Variants in ANKRD24 observed in about 807,000 individuals in gnomAD.
ANKRD24 encodes ankyrin repeat domain-containing protein 24.
Under a neutral mutation model 127.8 loss-of-function variants are expected in ANKRD24, and 109 were observed. That is an observed-to-expected ratio of 0.85 (90% CI 0.73 to 1.00). ANKRD24 has a LOEUF of 1.00. Ranked by LOEUF, ANKRD24 falls within the 50% of genes least tolerant of loss-of-function variation. ANKRD24 has a pLI of 0.00. For missense variants in ANKRD24, 1,648 were observed against 1,570.2 expected (o/e 1.05, Z -0.84); for synonymous variants, 743 against 671.1 (o/e 1.11, Z -1.66).
At chr19:4,184,423 G>A (rs1361039621) in intron 1 of ANKRD24, among the ~76,000 whole-genome samples, 1 of 152,184 alleles carries the variant, frequency 6.6e-6, no homozygotes, top group Non-Finnish European at 1.5e-5. Context: ...CCAGGCTGCG[G>A]AGCTACCCAG....
intron 2 of ANKRD24, 68 bp downstream of exon 2, chr19:4,186,529 C>A: frequency 6.6e-7 from 1 of 1,526,108 alleles, no homozygotes; most frequent in South Asian, 1.2e-5. Context: ...TGGGGCTTGG[C>A]TGAAGATCCA....
intron 13 of ANKRD24, among the ~76,000 whole-genome samples, chr19:4,211,013 A>C (rs1452020733): frequency 1.3e-5 from 2 of 151,666 alleles, no homozygotes; most frequent in African/African-American, 2.4e-5. Context: ...TTGTATTTTT[A>C]GTAGAGACGG....
intron 11 of ANKRD24, 143 bp downstream of exon 11, chr19:4,208,944 C>A: frequency 1.1e-6 from 1 of 873,370 alleles, no homozygotes; most frequent in Non-Finnish European, 1.8e-6. Flanking sequence ...GGTATGCTGC[C>A]ACCAAGTGGC....
rs75794183 is a variant in ANKRD24, at chr19:4,182,689, G to A, written c.-88G>A. 2.8e-6 allele frequency: 4 copies of A among 1,415,208 alleles called. No individual in the cohort carries two copies. The highest frequency in any genetic ancestry group is 3.1e-5 in the South Asian group (2 of 64,610). The allele number at this position is 1,415,208 out of a possible 1,614,324, so 87.7% of individuals were successfully genotyped here. On this transcript the variant is annotated 5_prime_UTR_variant, in exon 1 of 22. Coordinates refer to ENST00000318934, the MANE Select transcript of ANKRD24 (RefSeq NM_001393985.1). ...GGCGCATGCGCCTCTTGCTGACGCCGCAGGCGACATGTTATCTGCTGTCAG... is the reference window on the plus strand; with the variant it reads ...GGCGCATGCGCCTCTTGCTGACGCCACAGGCGACATGTTATCTGCTGTCAG...
chr19:4,190,666 G>T (rs569596099), intron 2 of ANKRD24, among the ~76,000 whole-genome samples: 2 of 152,132 alleles, frequency 1.3e-5, no homozygotes, highest in East Asian at 3.9e-4. Flanking sequence ...CCAGGAGGCA[G>T]AAGTTGCAGT....
chr19:4,220,846 C>T (rs527721214), intron 19 of ANKRD24, among the ~76,000 whole-genome samples: 6 of 151,932 alleles, frequency 3.9e-5, no homozygotes, highest in South Asian at 2.1e-4. Context: ...TGAGTCACCG[C>T]GACCGGCCTC....
At chr19:4,215,929 C>T (rs376663974) in intron 15 of ANKRD24, 49 bp from the exon 16 acceptor site, 107 of 1,476,356 alleles carry the variant, frequency 7.2e-5, no homozygotes, top group Non-Finnish European at 9.0e-5. Context: ...TGGGGACACA[C>T]GGGGGCTGAG....
At position 4,193,864 on chromosome 19, in the gene ANKRD24, G is replaced by GAAGGAAGGAAGGAAGT. The variant is rs1568315698; in HGVS notation, c.37-5804_37-5803insTAAGGAAGGAAGGAAG. ...GGGAGGGAGGAAGGAAGGAAGGAAG[G>GAAGGAAGGAAGGAAGT]AAGGAAGGAAGGAAGGAAGGAAGGA... On this transcript the variant is annotated intron_variant, in intron 2 of 21. Transcript: ENST00000318934. Among the ~76,000 whole-genome samples, 678 of 133,178 alleles carry GAAGGAAGGAAGGAAGT rather than the reference G, an allele frequency of 5.1e-3. 43 individuals are homozygous for GAAGGAAGGAAGGAAGT. The highest frequency in any genetic ancestry group is 0.019 in the African/African-American group (646 of 34,014). The allele number at this position is 133,178 out of a possible 152,430, so 87.4% of individuals were successfully genotyped here.
Position 4,195,682 on chromosome 19 carries a change from G to A in ANKRD24, c.37-4001G>A, listed in dbSNP as rs934323481. On this transcript the variant is annotated intron_variant, in intron 2 of 21. Transcript: ENST00000318934. The surrounding 1 kb of genome is among the most constrained non-coding windows in gnomAD (Gnocchi z 4.2). ...AGAGGCCAAGGCAGGTGGATCACGA[G>A]GTCAGAGTTCAAGACCAGCCTGGCC... is the stretch of plus-strand genomic sequence containing the variant. Among the ~76,000 whole-genome samples, 4 of 152,094 alleles carry A rather than the reference G, an allele frequency of 2.6e-5. No homozygotes were observed. Among genetic ancestry groups the A allele is most frequent in the African/African-American group, 9.7e-5 (4 of 41,440 alleles).
Position 4,207,928 on chromosome 19 carries a change from C to G in ANKRD24, c.792C>G (p.His264Gln), listed in dbSNP as rs930768643. ...TGGCGGGGGACAAACTCATCCTGCA[C>G]CTTCTGCAAGAGGCGGCCCAGCGCC... The part of the protein sequence containing the change: ...GALAGDKLIL[H>Q]LLQEAAQRPS... Residue 264 changes from histidine (H) to glutamine (Q), a missense_variant, in exon 10 of 22, where the codon CAC (histidine) becomes CAG (glutamine). His to Gln is a conservative substitution (Grantham distance 24). Transcript: ENST00000318934. The G allele has an allele frequency of 6.5e-7, 1 of 1,545,464 alleles. No homozygotes were observed. Among genetic ancestry groups the G allele is most frequent in the Non-Finnish European group, 8.7e-7 (1 of 1,147,796 alleles).
intron 14 of ANKRD24, 24 bp downstream of exon 14, chr19:4,212,537 C>A (rs1171652849): frequency 1.3e-5 from 20 of 1,551,470 alleles, no homozygotes; most frequent in Non-Finnish European, 1.7e-5. Context: ...TGGGGAGGAG[C>A]CGGTCCTCCT....
intron 2 of ANKRD24, among the ~76,000 whole-genome samples, chr19:4,192,384 T>A (rs1302799265): frequency 1.3e-5 from 2 of 150,738 alleles, no homozygotes; most frequent in Admixed American, 6.6e-5. Flanking sequence ...GTATGCATTT[T>A]TTTTTTTTCA....
chr19:4,210,314 G>A lies in ANKRD24; in HGVS notation c.1001G>A (p.Gly334Asp), dbSNP rs753053765. The change falls in exon 13 of 22, where the codon GGC (glycine) becomes GAC (aspartate). Residue 334 changes from glycine to aspartate, a missense_variant. Physicochemically the swap from Gly to Asp is moderately conservative, Grantham distance 94. Transcript: ENST00000318934. ...ATCGTGAGGCTGCGGCAGGAGAGGG[G>A]CCGCCTCCTGCAGAAGATCCGGGGC... ...EEIVRLRQER[G>D]RLLQKIRGLE... 1.3e-6 allele frequency: 2 copies of A among 1,583,518 alleles called. No individual in the cohort carries two copies. The highest frequency in any genetic ancestry group is 1.8e-5 in the Admixed American group (1 of 54,654).
rs369524988 is a variant in ANKRD24 at position 4,182,695 on chromosome 19, G to A, written c.-82G>A. On this transcript the variant is annotated 5_prime_UTR_variant, in exon 1 of 22. Coordinates refer to ENST00000318934, the MANE Select transcript of ANKRD24 (RefSeq NM_001393985.1). ...TGCGCCTCTTGCTGACGCCGCAGGC[G>A]ACATGTTATCTGCTGTCAGAAGGAA... is the stretch of plus-strand genomic sequence containing the variant. 2.8e-6 allele frequency: 4 copies of A among 1,416,486 alleles called. No individual in the cohort carries two copies. Among genetic ancestry groups the A allele is most frequent in the South Asian group, 1.5e-5 (1 of 64,584 alleles). 87.7% of individuals were successfully genotyped at this position (1,416,486 alleles called of 1,614,324 possible). A position where few individuals can be genotyped will look rare whatever the true frequency, so the allele number is the denominator to read the frequency against.
At position 4,212,663 on chromosome 19, in the gene ANKRD24, G is replaced by C; in HGVS notation, c.1162G>C (p.Val388Leu). ...QEEKESLGRE[V>L]ESLQSRLSLL... ...GGAGAAGGAGAGCCTGGGACGGGAG[G>C]TGGAGAGTTTGCAGAGCCGGCTGTC... is the stretch of plus-strand genomic sequence containing the variant. The change falls in exon 15 of 22, where the codon GTG becomes CTG. Residue 388 changes from valine to leucine, a missense_variant. By Grantham distance (32) the Val-to-Leu change is conservative. Coordinates refer to ENST00000318934, the MANE Select transcript of ANKRD24 (RefSeq NM_001393985.1). The C allele has an allele frequency of 1.3e-6, 2 of 1,551,256 alleles. No individual in the cohort carries two copies. Among genetic ancestry groups the C allele is most frequent in the Non-Finnish European group, 1.7e-6 (2 of 1,147,020 alleles).
intron 10 of ANKRD24, 136 bp downstream of exon 10, chr19:4,208,104 C>T: frequency 2.1e-6 from 2 of 956,502 alleles, no homozygotes; most frequent in Admixed American, 3.6e-5. Context: ...CCCAATTCTA[C>T]TCAGAACAGT....
Position 4,195,693 on chromosome 19 carries a change from A to G in ANKRD24, c.37-3990A>G, listed in dbSNP as rs962408349. On this transcript the variant is annotated intron_variant, in intron 2 of 21. Coordinates refer to ENST00000318934, the MANE Select transcript of ANKRD24 (RefSeq NM_001393985.1). The surrounding 1 kb of genome is among the most constrained non-coding windows in gnomAD (Gnocchi z 4.2). ...CAGGTGGATCACGAGGTCAGAGTTC[A>G]AGACCAGCCTGGCCAACATGACAAA... is the stretch of plus-strand genomic sequence containing the variant. 1.3e-5 allele frequency among the ~76,000 whole-genome samples: 2 copies of G among 152,102 alleles called. No homozygotes were observed. Among genetic ancestry groups the G allele is most frequent in the Non-Finnish European group, 2.9e-5 (2 of 68,008 alleles).
Position 4,212,512 on chromosome 19 carries a change from A to G in ANKRD24, c.1097A>G (p.Gln366Arg). Residue 366 changes from glutamine (Q) to arginine (R), a missense_variant and splice_region_variant, in exon 14 of 22, where the codon CAG becomes CGG. By Grantham distance (43) the Gln-to-Arg change is conservative (BLOSUM62 1). Transcript: ENST00000318934. The part of the protein sequence containing the change: ...EASSLHILER[Q>R]VQELQQLLVE... The stretch of plus-strand genomic sequence containing the variant: ...AGCTCCCTGCACATCCTGGAGAGAC[A>G]GGTAGGTGGGAAGGTGGGGAGGAGC... 6.4e-7 allele frequency: 1 copy of G among 1,561,134 alleles called. No homozygotes were observed.
chr19:4,216,082 C>T (rs749729885), intron 16 of ANKRD24, 32 bp downstream of exon 16: 19 of 1,562,162 alleles, frequency 1.2e-5, no homozygotes, highest in East Asian at 4.7e-5. Flanking sequence ...CACTCCCAGC[C>T]GCCTTGTCCC....
Sources: gnomAD v4.1 joint callset for allele counts (sites outside exome capture counted in the v4.1 genomes callset) on GRCh38, gnomAD v4.1.1 for gene constraint, Gnocchi (gnomAD v3.1) non-coding constraint, MANE v1.5 for transcripts, NCBI Gene and HGNC (gene_info 2026-07-23, HGNC 2026-07-21) for gene names.